CILP: variants seen among roughly 807,000 people sequenced by gnomAD.
The protein encoded by CILP is cartilage intermediate layer protein.
CILP carries 75 observed loss-of-function variants against 82.5 expected under a neutral mutation model. That is an observed-to-expected ratio of 0.91 (90% CI 0.75 to 1.10). CILP has a LOEUF of 1.10. Among genes scored for constraint, CILP ranks in the 50% least tolerant of loss-of-function variants. The pLI, the probability that CILP is intolerant of heterozygous loss-of-function variation, is 0.00. For synonymous variants in CILP, 530 were observed against 580.3 expected (o/e 0.91, Z 1.25); for missense variants, 1,479 against 1,530.8 (o/e 0.97, Z 0.56).
At chr15:65,206,456 C>A (rs867350306) in intron 4 of CILP, among the ~76,000 whole-genome samples, 4 of 152,098 alleles carry the variant, frequency 2.6e-5, no homozygotes, top group Non-Finnish European at 4.4e-5. Flanking sequence ...CATCATATTG[C>A]GGGCTCAGAA....
chr15:65,206,915 AG>A lies in CILP; in HGVS notation c.290del (p.Thr97MetfsTer109), dbSNP rs1259803389. 1.9e-6 allele frequency: 3 copies of A among 1,613,680 alleles called. No individual in the cohort carries two copies. The African/African-American group carries it at 4.0e-5, about 22-fold the overall frequency. ...CAGTGCTGCCCGCAGGTGTCCAGTC[AG>A]TGGTCCGAGCCTCTAGCCGCAGGGG... ...ARPLRLEART[T>X]DWTPAGSTGQ... is the part of the protein sequence containing the mutation. On this transcript the variant is annotated frameshift_variant, in exon 4 of 9. Transcript: ENST00000261883. LOFTEE classifies it high-confidence loss of function.
rs2679117 is a variant in CILP, at chr15:65,197,350, T to G, written c.2936A>C (p.Gln979Pro). 6.2e-7 allele frequency: 1 copy of G among 1,614,202 alleles called. No homozygotes were observed. The highest frequency in any genetic ancestry group is 8.5e-7 in the Non-Finnish European group (1 of 1,180,048). The change falls in exon 9 of 9, where the codon CAG becomes CCG. Residue 979 changes from glutamine to proline, a missense_variant. By Grantham distance (76) the Gln-to-Pro change is moderately conservative (BLOSUM62 -1). Transcript: ENST00000261883. ...GATTCCATACAGCTTCCCCACTGTC[T>G]GCCGATGAGTGCCCCCCATGTTGCG... is the stretch of plus-strand genomic sequence containing the variant. ...RSRNMGGTHR[Q>P]TVGKLYGIRD... is the part of the protein sequence containing the mutation.
rs116801686 is a variant in CILP at position 65,199,566 on chromosome 15, T to C, written c.1187-467A>G. On this transcript the variant is annotated intron_variant, in intron 8 of 8. Coordinates refer to ENST00000261883, the MANE Select transcript of CILP (RefSeq NM_003613.4). ...GGCCGGATGCAGTGGCTCACACCTG[T>C]TATCCCAACAATTTGGGAGGCCAAG... 5.3e-3 allele frequency among the ~76,000 whole-genome samples: 814 copies of C among 152,360 alleles called. 7 individuals carry two copies. Among genetic ancestry groups the C allele is most frequent in the African/African-American group, 0.019 (780 of 41,592 alleles).
chr15:65,207,580 A>G, intron 3 of CILP, 92 bp downstream of exon 3: 1 of 1,136,896 alleles, frequency 8.8e-7, no homozygotes, highest in East Asian at 2.5e-5. Flanking sequence ...TTTCCATGGG[A>G]CCCTGACATC....
intron 8 of CILP, among the ~76,000 whole-genome samples, chr15:65,199,790 T>C (rs2088427855): frequency 6.6e-6 from 1 of 152,232 alleles, no homozygotes; most frequent in African/African-American, 2.4e-5. Flanking sequence ...GCCACTACCC[T>C]CCAGCCTGGG....
In CILP at chr15:65,197,118, G is replaced by A. The variant is rs781575511; in HGVS notation, c.3168C>T (p.Asn1056=). The A allele has an allele frequency of 1.3e-5, 21 of 1,613,828 alleles. No homozygotes were observed. The highest frequency in any genetic ancestry group is 1.6e-4 in the Middle Eastern group (1 of 6,084). The part of the protein sequence containing the change: ...LVNHLPLAVN[N]DTSEYTMLAP... Reference sequence around the variant, plus strand: ...CCAGCATGGTGTACTCACTGGTGTCGTTGTTGACTGCAAGTGGCAAGTGGT... The same window carrying A: ...CCAGCATGGTGTACTCACTGGTGTCATTGTTGACTGCAAGTGGCAAGTGGT... The change falls in exon 9 of 9, where the codon AAC becomes AAT. Residue 1056 remains asparagine, a synonymous_variant. Coordinates refer to ENST00000261883, the MANE Select transcript of CILP (RefSeq NM_003613.4).
At chr15:65,200,318 G>A (rs757396064) in intron 8 of CILP, among the ~76,000 whole-genome samples, 36 of 152,130 alleles carry the variant, frequency 2.4e-4, no homozygotes, top group African/African-American at 8.4e-4. Context: ...GATGGGTTGG[G>A]ACCACTGCTG....
At chr15:65,206,696 T>C in intron 4 of CILP, 86 bp downstream of exon 4, 10 of 1,452,824 alleles carry the variant, frequency 6.9e-6, no homozygotes, top group Non-Finnish European at 9.3e-6. Flanking sequence ...ATGCTGAGAG[T>C]TCTGGTGGCC....
chr15:65,201,755 G>GA lies in CILP; in HGVS notation c.1186+116dup, dbSNP rs1462252551. On this transcript the variant is annotated intron_variant, in intron 8 of 8. Coordinates refer to ENST00000261883, the MANE Select transcript of CILP (RefSeq NM_003613.4). ...AAAAAAAAAAAAAAAAAAAAAGAAA[G>GA]AAAGAAAAGAAAAGAAAAAAGAAAA... 36 of 474,254 alleles carry GA rather than the reference G, an allele frequency of 7.6e-5. No individual in the cohort carries two copies. In the East Asian group the frequency reaches 1.2e-3, roughly 16 times the overall value. 29.4% of individuals were successfully genotyped at this position (474,254 alleles called of 1,614,324 possible). A position where few individuals can be genotyped will look rare whatever the true frequency, so the allele number is the denominator to read the frequency against.
chr15:65,206,759 G>C (rs754584863), intron 4 of CILP, 23 bp downstream of exon 4: 5 of 1,593,274 alleles, frequency 3.1e-6, no homozygotes, highest in Admixed American at 1.7e-5. Context: ...GTAGCGGGTG[G>C]GGGTGGGGGC....
chr15:65,208,686 G>T (rs1038960149), intron 2 of CILP, among the ~76,000 whole-genome samples: 1 of 152,210 alleles, frequency 6.6e-6, no homozygotes, highest in Admixed American at 6.5e-5. Flanking sequence ...CCTGAGGCTG[G>T]GTTGGGGTCT....
At chr15:65,202,875 A>G (rs1390178151) in intron 7 of CILP, among the ~76,000 whole-genome samples, 1 of 128,668 alleles carries the variant, frequency 7.8e-6, no homozygotes, top group African/African-American at 3.1e-5. Flanking sequence ...ACACACTGTC[A>G]CTCAGGCTGG....
chr15:65,205,443 G>C lies in CILP; in HGVS notation c.448C>G (p.Arg150Gly), dbSNP rs765292514. 2.5e-6 allele frequency: 4 copies of C among 1,611,316 alleles called. No individual in the cohort carries two copies. In the East Asian group the frequency reaches 8.9e-5, roughly 36 times the overall value. The stretch of plus-strand genomic sequence containing the variant: ...CAGGGAGACCATGGGCTCCAGATGC[G>C]CTCTGTGTCTCGGCGCAGGGATCCT... ...PPGSLRRDTE[R>G]IWSPWSPWSK... Residue 150 changes from arginine (R) to glycine (G), a missense_variant, in exon 5 of 9, where the codon CGC (arginine) becomes GGC (glycine). Arg to Gly is a moderately radical substitution (Grantham distance 125). Transcript: ENST00000261883.
At position 65,198,846 on chromosome 15, in the gene CILP, G is replaced by T. The variant is rs758894075; in HGVS notation, c.1440C>A (p.Cys480Ter). The T allele has an allele frequency of 6.8e-6, 11 of 1,613,948 alleles. No individual in the cohort carries two copies. Among genetic ancestry groups the T allele is most frequent in the Non-Finnish European group, 8.5e-6 (10 of 1,180,050 alleles). The change falls in exon 9 of 9, where the codon TGC becomes TGA. Residue 480 changes from cysteine (C) to a stop codon, truncating the protein, a stop_gained. Coordinates refer to ENST00000261883, the MANE Select transcript of CILP (RefSeq NM_003613.4). LOFTEE classifies it high-confidence loss of function. ...YTLPTKVAKE[C>*]SCQRCTETRS... ...GAGTTTCCGTACACCGCTGGCAGCTGCACTCCTTGGCCACCTTGGTGGGTA... is the reference window on the plus strand; with the variant it reads ...GAGTTTCCGTACACCGCTGGCAGCTTCACTCCTTGGCCACCTTGGTGGGTA...
At chr15:65,209,056 A>G (rs907053984) in intron 2 of CILP, among the ~76,000 whole-genome samples, 1 of 99,480 alleles carries the variant, frequency 1.0e-5, no homozygotes, top group Non-Finnish European at 1.9e-5. Flanking sequence ...TTACCTGAGT[A>G]TGTGCTTAGA....
At position 65,197,065 on chromosome 15, in the gene CILP, T is replaced by C. The variant is rs1336676063; in HGVS notation, c.3221A>G (p.Tyr1074Cys). 1.2e-6 allele frequency: 2 copies of C among 1,613,402 alleles called. No homozygotes were observed. Among genetic ancestry groups the C allele is most frequent in the Non-Finnish European group, 1.7e-6 (2 of 1,179,786 alleles). The change falls in exon 9 of 9, where the codon TAT becomes TGT. Residue 1074 changes from tyrosine to cysteine, a missense_variant. Physicochemically the swap from Tyr to Cys is radical, Grantham distance 194. Coordinates refer to ENST00000261883, the MANE Select transcript of CILP (RefSeq NM_003613.4). ...LAPLDPLGHN[Y>C]GIYTVTDQDP... ...CTGGTCAGTGACAGTGTAGATGCCATAGTTGTGGCCCAGTGGGTCCAAGGG... is the reference window on the plus strand; with the variant it reads ...CTGGTCAGTGACAGTGTAGATGCCACAGTTGTGGCCCAGTGGGTCCAAGGG...
intron 4 of CILP, among the ~76,000 whole-genome samples, chr15:65,206,541 G>C (rs2088518903): frequency 6.6e-6 from 1 of 152,126 alleles, no homozygotes; most frequent in African/African-American, 2.4e-5. Context: ...AAAATAGGTT[G>C]AATAGAGAGT....
Position 65,209,725 on chromosome 15 carries a change from A to C in CILP, c.31T>G (p.Phe11Val), listed in dbSNP as rs568379788. The C allele has an allele frequency of 6.2e-7, 1 of 1,614,072 alleles. No individual in the cohort carries two copies. The highest frequency in any genetic ancestry group is 1.1e-5 in the South Asian group (1 of 91,082). MVGTKAWVFS[F>V]LVLEVTSVLG... ...ACAGATGTGACTTCCAGGACCAGGAAGGAGAACACCCAGGCCTTGGTCCCC... is the reference window on the plus strand; with the variant it reads ...ACAGATGTGACTTCCAGGACCAGGACGGAGAACACCCAGGCCTTGGTCCCC... Residue 11 changes from phenylalanine to valine, a missense_variant, in exon 2 of 9, where the codon TTC becomes GTC. Phe to Val is a conservative substitution (Grantham distance 50). Transcript: ENST00000261883.
intron 1 of CILP, among the ~76,000 whole-genome samples, chr15:65,210,877 A>G (rs2088578616): frequency 1.3e-5 from 2 of 152,218 alleles, no homozygotes; most frequent in African/African-American, 4.8e-5. Context: ...AGGACGTCCC[A>G]AAGGCCTCCA....
Sources: allele counts gnomAD v4.1 joint callset (sites outside exome capture counted in the v4.1 genomes callset), GRCh38; gene constraint gnomAD v4.1.1; transcripts MANE v1.5; gene names NCBI Gene and HGNC (gene_info 2026-07-23, HGNC 2026-07-21).